Variants in MYO16 observed in about 807,000 individuals in gnomAD.
MYO16 encodes the protein myosin XVI, also known as unconventional myosin-XVI.
Under a neutral mutation model 205.3 loss-of-function variants are expected in MYO16, and 94 were observed. The observed-to-expected ratio is 0.46, with a 90% CI of 0.39 to 0.54. The LOEUF is 0.54. Among genes scored for constraint, MYO16 ranks in the 20% least tolerant of loss-of-function variants. The pLI, the probability that MYO16 is intolerant of heterozygous loss-of-function variation, is 0.00. For synonymous variants in MYO16, 988 were observed against 954.0 expected, an observed-to-expected ratio of 1.04 and a Z score of -0.66; for missense variants, 2,315 against 2,387.5, an observed-to-expected ratio of 0.97 and a Z score of 0.63.
intron 34 of MYO16, among the ~76,000 whole-genome samples, chr13:109,205,941 C>T (rs1880581282): frequency 6.6e-6 from 1 of 152,204 alleles, no homozygotes; most frequent in Non-Finnish European, 1.5e-5. Context: ...GGTAGATACA[C>T]CAAAGAGGCT....
At chr13:108,757,655 G>C (rs559917362) in intron 4 of MYO16, among the ~76,000 whole-genome samples, 4 of 151,994 alleles carry the variant, frequency 2.6e-5, no homozygotes, top group Non-Finnish European at 5.9e-5. Context: ...ACAGGCCCCA[G>C]TGTGTGATGT....
chr13:108,496,975 C>G, the MYO16 span, among the ~76,000 whole-genome samples: 1 of 152,226 alleles, frequency 6.6e-6, no homozygotes, highest in East Asian at 1.9e-4. Context: ...CTCTGCGAAT[C>G]TCATGCGGTC....
chr13:108,654,234 T>C (rs1193167288), intron 1 of MYO16, among the ~76,000 whole-genome samples: 1 of 152,170 alleles, frequency 6.6e-6, no homozygotes, highest in African/African-American at 2.4e-5. Context: ...GTTCTCATCT[T>C]GAATTGCATT....
At chr13:109,161,792 C>T (rs778657075) in intron 32 of MYO16, among the ~76,000 whole-genome samples, 11 of 152,074 alleles carry the variant, frequency 7.2e-5, no homozygotes, top group Non-Finnish European at 1.0e-4. Context: ...CCTGTGTGAC[C>T]GTTTAAAAGC....
chr13:109,108,733 G>C (rs1041475729), intron 28 of MYO16, among the ~76,000 whole-genome samples: 1 of 152,164 alleles, frequency 6.6e-6, no homozygotes, highest in Non-Finnish European at 1.5e-5. Context: ...ACCTAGACAG[G>C]GCAGTTGTCA....
chr13:108,861,931 G>A (rs1254969290), intron 11 of MYO16, among the ~76,000 whole-genome samples: 4 of 152,092 alleles, frequency 2.6e-5, no homozygotes, highest in African/African-American at 9.7e-5. Context: ...AAGAAGCAAA[G>A]TGTACAATTT....
chr13:108,885,455 G>A (rs570988994), intron 13 of MYO16, among the ~76,000 whole-genome samples: 7 of 152,320 alleles, frequency 4.6e-5, no homozygotes, highest in African/African-American at 1.7e-4. Flanking sequence ...AAGGCGCAGA[G>A]ATGGGGGCTT....
chr13:108,755,206 G>A (rs1324664948), intron 4 of MYO16, among the ~76,000 whole-genome samples: 1 of 151,908 alleles, frequency 6.6e-6, no homozygotes, highest in East Asian at 1.9e-4. Flanking sequence ...GCACTCTGTG[G>A]TGTAGCATGC....
the MYO16 span, among the ~76,000 whole-genome samples, chr13:108,531,980 G>A: frequency 0.26 from 39,304 of 151,986 alleles, 5,685 homozygotes; most frequent in Non-Finnish European, 0.32. Context: ...GCCAAGAAGG[G>A]CAGATCACTT....
intron 6 of MYO16, among the ~76,000 whole-genome samples, chr13:108,800,972 GA>G (rs566794977): frequency 9.2e-5 from 14 of 151,902 alleles, no homozygotes; most frequent in African/African-American, 3.1e-4. Context: ...GTAAAAATAT[GA>G]AAAAAACACA....
intron 20 of MYO16, among the ~76,000 whole-genome samples, chr13:108,969,670 C>A (rs1883935219): frequency 6.6e-6 from 1 of 152,248 alleles, no homozygotes; most frequent in Non-Finnish European, 1.5e-5. Flanking sequence ...GCCAGGGCTT[C>A]TTTTACAGTG....
the MYO16 span, among the ~76,000 whole-genome samples, chr13:108,588,400 G>T: frequency 6.6e-6 from 1 of 152,174 alleles, no homozygotes; most frequent in East Asian, 1.9e-4. Flanking sequence ...GGGTAGTATG[G>T]AAAGTGGGGC....
At chr13:108,652,150 TGTGTGCGCGCGCGCGCATGTGTGCGC>T (rs1881036235) in intron 1 of MYO16, among the ~76,000 whole-genome samples, 2 of 147,542 alleles carry the variant, frequency 1.4e-5, no homozygotes, top group South Asian at 2.2e-4. Flanking sequence ...AATGTGTGTG[TGTGTGCGCGCGCGCGCATGTGTGCGC>T]GTGTGTGTGT....
intron 12 of MYO16, among the ~76,000 whole-genome samples, chr13:108,875,278 C>G (rs1879270679): frequency 6.6e-6 from 1 of 152,084 alleles, no homozygotes; most frequent in African/African-American, 2.4e-5. Context: ...GTGTCTGGCC[C>G]TGATGATATT....
At chr13:108,925,362 G>A (rs1337369350) in intron 16 of MYO16, among the ~76,000 whole-genome samples, 1 of 152,156 alleles carries the variant, frequency 6.6e-6, no homozygotes, top group Non-Finnish European at 1.5e-5. Flanking sequence ...GCACATTGCA[G>A]GCTCTCTCTG....
At chr13:108,932,468 T>C (rs1882299583) in intron 16 of MYO16, among the ~76,000 whole-genome samples, 2 of 152,210 alleles carry the variant, frequency 1.3e-5, no homozygotes, top group African/African-American at 4.8e-5. Context: ...TTGGCATTGG[T>C]CAAGGCCTCC....
At chr13:108,631,133 C>G (rs1054663679) in intron 1 of MYO16, among the ~76,000 whole-genome samples, 1 of 152,244 alleles carries the variant, frequency 6.6e-6, no homozygotes, top group Non-Finnish European at 1.5e-5. Flanking sequence ...GGGCAATACT[C>G]TGACTGGTTT....
Position 109,022,710 on chromosome 13 carries a change from T to C in MYO16, c.2796+2799T>C, listed in dbSNP as rs1239509745. Among the ~76,000 whole-genome samples, 20 of 98,178 alleles carry C rather than the reference T, an allele frequency of 2.0e-4. 2 individuals are homozygous for C. In the East Asian group the frequency reaches 5.0e-3, roughly 25 times the overall value. The allele number at this position is 98,178 out of a possible 152,430, so 64.4% of individuals were successfully genotyped here. A position where few individuals can be genotyped will look rare whatever the true frequency, so the allele number is the denominator to read the frequency against. On this transcript the variant is annotated intron_variant, in intron 23 of 34. Transcript: ENST00000457511. ...AACATGTATATATTTATATATTATATATACGCATATAAACATATGTATATA... is the reference window on the plus strand; with the variant it reads ...AACATGTATATATTTATATATTATACATACGCATATAAACATATGTATATA...
chr13:108,819,630 A>G (rs1444018359), intron 7 of MYO16, among the ~76,000 whole-genome samples: 2 of 152,132 alleles, frequency 1.3e-5, no homozygotes, highest in Non-Finnish European at 2.9e-5. Context: ...TTTCAATAAC[A>G]CATGTATATT....
Sources: allele counts gnomAD v4.1 joint callset (sites outside exome capture counted in the v4.1 genomes callset), GRCh38; gene constraint gnomAD v4.1.1; transcripts MANE v1.5; gene names NCBI Gene and HGNC (gene_info 2026-07-23, HGNC 2026-07-21).